CAMKMT: variants seen among roughly 807,000 people sequenced by gnomAD.
CAMKMT encodes the protein calmodulin-lysine N-methyltransferase.
Under a neutral mutation model 48.0 loss-of-function variants are expected in CAMKMT, and 53 were observed. That is an observed-to-expected ratio of 1.10 (90% confidence interval 0.89 to 1.39). CAMKMT has a LOEUF of 1.39. CAMKMT is among the 40% of genes most tolerant of loss of function. The pLI is 0.00. For missense variants in CAMKMT, 428 were observed against 402.7 expected, an observed-to-expected ratio of 1.06 and a Z score of -0.54; for synonymous variants, 165 against 152.3, an observed-to-expected ratio of 1.08 and a Z score of -0.61.
At chr2:44,487,624 A>C (rs1301521911) in intron 3 of CAMKMT, among the ~76,000 whole-genome samples, 2 of 152,256 alleles carry the variant, frequency 1.3e-5, no homozygotes, top group African/African-American at 4.8e-5. Context: ...AAGACAAATG[A>C]AATTCTTCCT....
At position 44,537,318 on chromosome 2, in the gene CAMKMT, A is replaced by AAAAC. The variant is rs915455203; in HGVS notation, c.376+147027_376+147030dup. Among the ~76,000 whole-genome samples the AAAAC allele has an allele frequency of 4.6e-5, 7 of 152,348 alleles. No individual in the cohort carries two copies. The East Asian group carries it at 7.7e-4, about 17-fold the overall frequency. ...CAAGGAATTCAAACAACTCAACAGTAAAACAAACAAACAAACAGTTCCATT... is the reference window on the plus strand; with the variant it reads ...CAAGGAATTCAAACAACTCAACAGTAAAACAAACAAACAAACAAACAGTTCCATT... On this transcript the variant is annotated intron_variant, in intron 3 of 10. Coordinates refer to ENST00000378494, the MANE Select transcript of CAMKMT (RefSeq NM_024766.5).
chr2:44,669,420 A>C (rs1675203916), intron 3 of CAMKMT, among the ~76,000 whole-genome samples: 1 of 152,214 alleles, frequency 6.6e-6, no homozygotes, highest in South Asian at 2.1e-4. Context: ...CATGTGTGCA[A>C]AAATTTCTGT....
chr2:44,374,791 G>A (rs942506627), intron 2 of CAMKMT, among the ~76,000 whole-genome samples: 2 of 152,072 alleles, frequency 1.3e-5, no homozygotes, highest in South Asian at 2.1e-4. Context: ...AAAAAGACAC[G>A]TGACTGAGCT....
intron 7 of CAMKMT, among the ~76,000 whole-genome samples, chr2:44,716,360 G>A (rs1455001293): frequency 2.0e-5 from 3 of 152,106 alleles, no homozygotes; most frequent in African/African-American, 7.2e-5. Context: ...AGTGATCTTG[G>A]TGTGCTGGCT....
chr2:44,617,740 TG>T (rs1044705988), intron 3 of CAMKMT, among the ~76,000 whole-genome samples: 1 of 152,244 alleles, frequency 6.6e-6, no homozygotes, highest in Non-Finnish European at 1.5e-5. Flanking sequence ...ATGAAGAGTG[TG>T]GCTTTAAAGA....
At chr2:44,374,393 T>C (rs1264572481) in intron 2 of CAMKMT, among the ~76,000 whole-genome samples, 8 of 152,196 alleles carry the variant, frequency 5.3e-5, no homozygotes, top group Non-Finnish European at 4.4e-5. Flanking sequence ...GGAATGGAAA[T>C]GATTAAACAT....
At chr2:44,757,880 G>A (rs1305200661) in intron 9 of CAMKMT, among the ~76,000 whole-genome samples, 1 of 152,168 alleles carries the variant, frequency 6.6e-6, no homozygotes, top group Non-Finnish European at 1.5e-5. Flanking sequence ...CCTTATGGGG[G>A]CCTTTTTCCA....
At chr2:44,531,111 T>G (rs1396015236) in intron 3 of CAMKMT, among the ~76,000 whole-genome samples, 1 of 152,096 alleles carries the variant, frequency 6.6e-6, no homozygotes, top group Non-Finnish European at 1.5e-5. Flanking sequence ...AGGATAATTC[T>G]TCCCTTCCTG....
At chr2:44,477,434 C>G (rs1668745353) in intron 3 of CAMKMT, among the ~76,000 whole-genome samples, 1 of 152,086 alleles carries the variant, frequency 6.6e-6, no homozygotes, top group South Asian at 2.1e-4. Flanking sequence ...TATTTTTAAA[C>G]CATATTTCCC....
At chr2:44,526,828 A>G (rs1312654723) in intron 3 of CAMKMT, among the ~76,000 whole-genome samples, 2 of 152,156 alleles carry the variant, frequency 1.3e-5, no homozygotes, top group Non-Finnish European at 2.9e-5. Flanking sequence ...GCATAAAATT[A>G]ACTATTACAA....
At chr2:44,555,949 C>A (rs1667982076) in intron 3 of CAMKMT, among the ~76,000 whole-genome samples, 1 of 151,792 alleles carries the variant, frequency 6.6e-6, no homozygotes, top group African/African-American at 2.4e-5. Context: ...GGAGTGGCAG[C>A]CAGATTGCAG....
At position 44,366,718 on chromosome 2, in the gene CAMKMT, G is replaced by GTTATTA. The variant is rs71393267; in HGVS notation, c.138+4588_138+4593dup. Among the ~76,000 whole-genome samples the GTTATTA allele has an allele frequency of 1.3e-3, 189 of 150,056 alleles. 1 individual carries two copies. Among genetic ancestry groups the GTTATTA allele is most frequent in the African/African-American group, 3.4e-3 (139 of 41,078 alleles). ...AGACTCAAAATAAATAGCAGCTATT[G>GTTATTA]TTATTATTATTATTATTATTTGAGA... On this transcript the variant is annotated intron_variant, in intron 1 of 10. Coordinates refer to ENST00000378494, the MANE Select transcript of CAMKMT (RefSeq NM_024766.5).
intron 8 of CAMKMT, among the ~76,000 whole-genome samples, chr2:44,748,855 A>C (rs1165850982): frequency 6.6e-6 from 1 of 152,176 alleles, no homozygotes; most frequent in Non-Finnish European, 1.5e-5. Context: ...TTGCCTCACT[A>C]AGGAATAAAA....
intron 3 of CAMKMT, among the ~76,000 whole-genome samples, chr2:44,441,803 A>C (rs921583272): frequency 6.6e-6 from 1 of 152,334 alleles, no homozygotes; most frequent in South Asian, 2.1e-4. Flanking sequence ...TTTAATATTT[A>C]TAAGGAACCA....
chr2:44,504,334 A>G (rs1558661902), intron 3 of CAMKMT, among the ~76,000 whole-genome samples: 1 of 152,168 alleles, frequency 6.6e-6, no homozygotes, highest in African/African-American at 2.4e-5. Context: ...CTTTAGGGTC[A>G]TATGTTGTAT....
Position 44,362,081 on chromosome 2 carries a change from G to GCAC in CAMKMT, c.78_80dup (p.Thr27dup). The GCAC allele has an allele frequency of 6.9e-7, 1 of 1,455,742 alleles. No homozygotes were observed. The highest frequency in any genetic ancestry group is 9.0e-7 in the Non-Finnish European group (1 of 1,114,108). The allele number at this position is 1,455,742 out of a possible 1,614,324, so 90.2% of individuals were successfully genotyped here. A position where few individuals can be genotyped will look rare whatever the true frequency, so the allele number is the denominator to read the frequency against. On this transcript the variant is annotated inframe_insertion, in exon 1 of 11. Transcript: ENST00000378494. ...GCGGGCGGGAGTCCGGCAGTTGGCT[G>GCAC]CACCACTCGGGGGCCCGTAGTCTCG...
intron 3 of CAMKMT, among the ~76,000 whole-genome samples, chr2:44,507,350 G>C (rs1351669554): frequency 6.6e-6 from 1 of 152,092 alleles, no homozygotes; most frequent in African/African-American, 2.4e-5. Context: ...ACCAGGATTG[G>C]TTGTACTTCT....
intron 3 of CAMKMT, among the ~76,000 whole-genome samples, chr2:44,610,066 A>T (rs1007851870): frequency 6.6e-6 from 1 of 152,312 alleles, no homozygotes; most frequent in South Asian, 2.1e-4. Context: ...CTTTTTCCCC[A>T]CTAAGGAAGG....
At chr2:44,622,915 T>C (rs1672278983) in intron 3 of CAMKMT, among the ~76,000 whole-genome samples, 1 of 152,172 alleles carries the variant, frequency 6.6e-6, no homozygotes, top group Admixed American at 6.5e-5. Flanking sequence ...TCTCCAAACT[T>C]CTGTCCATGA....
Sources: gnomAD v4.1 joint callset for allele counts (sites outside exome capture counted in the v4.1 genomes callset) on GRCh38, gnomAD v4.1.1 for gene constraint, MANE v1.5 for transcripts, NCBI Gene and HGNC (gene_info 2026-07-23, HGNC 2026-07-21) for gene names.